Variants in CCSER1 observed in about 807,000 individuals in gnomAD.
CCSER1 encodes serine-rich coiled-coil domain-containing protein 1.
CCSER1 carries 41 observed loss-of-function variants against 82.0 expected under a neutral mutation model. The ratio of observed to expected loss-of-function variants is 0.50; its 90% confidence interval spans 0.39 to 0.65. The LOEUF (loss-of-function observed/expected upper bound fraction) is 0.65, where lower values mean the gene tolerates loss of function less well. CCSER1 is among the 30% of genes least tolerant of loss of function. The probability of loss-of-function intolerance (pLI) is 0.00; values close to 1 mark genes in which losing one functional copy is unlikely to be tolerated. For missense variants in CCSER1, 1,119 were observed against 1,064.2 expected, an observed-to-expected ratio of 1.05 and a Z score of -0.72; for synonymous variants, 414 against 383.9, an observed-to-expected ratio of 1.08 and a Z score of -0.92.
intron 10 of CCSER1, among the ~76,000 whole-genome samples, chr4:91,534,794 G>A (rs1183496166): frequency 1.3e-5 from 2 of 151,574 alleles, no homozygotes; most frequent in Admixed American, 1.3e-4. Context: ...AATTACTTTG[G>A]ACATTTTATA....
At chr4:91,077,360 A>G (rs1361082671) in intron 9 of CCSER1, among the ~76,000 whole-genome samples, 1 of 152,234 alleles carries the variant, frequency 6.6e-6, no homozygotes, top group Non-Finnish European at 1.5e-5. Flanking sequence ...AATGCACCTA[A>G]ATGTAACACT....
At chr4:91,164,568 A>T (rs1361516083) in intron 10 of CCSER1, among the ~76,000 whole-genome samples, 7 of 152,166 alleles carry the variant, frequency 4.6e-5, no homozygotes, top group Non-Finnish European at 1.0e-4. Context: ...GAAGTATACC[A>T]ATCAAATGTA....
intron 6 of CCSER1, among the ~76,000 whole-genome samples, chr4:90,698,485 A>C (rs528047245): frequency 6.6e-6 from 1 of 152,326 alleles, no homozygotes; most frequent in East Asian, 1.9e-4. Flanking sequence ...CCTGGGAATG[A>C]TAGAGTTGGC....
chr4:90,589,807 T>A (rs1012744937), intron 5 of CCSER1, among the ~76,000 whole-genome samples: 3 of 152,214 alleles, frequency 2.0e-5, no homozygotes, highest in African/African-American at 7.2e-5. Flanking sequence ...CTATTTAAAC[T>A]AGAAACTTTC....
chr4:91,384,078 T>C (rs1397743686), intron 10 of CCSER1, among the ~76,000 whole-genome samples: 1 of 152,132 alleles, frequency 6.6e-6, no homozygotes, highest in Non-Finnish European at 1.5e-5. Context: ...TGAATTTTTT[T>C]TGTGAATGTT....
At chr4:90,928,996 C>T (rs1163605455) in intron 9 of CCSER1, among the ~76,000 whole-genome samples, 8 of 152,096 alleles carry the variant, frequency 5.3e-5, no homozygotes, top group Non-Finnish European at 1.2e-4. Flanking sequence ...GAGAAGAAAT[C>T]TGCGTAAAAT....
At chr4:90,700,794 G>T (rs1381912488) in intron 6 of CCSER1, among the ~76,000 whole-genome samples, 2 of 152,166 alleles carry the variant, frequency 1.3e-5, no homozygotes, top group African/African-American at 4.8e-5. Context: ...CTGCTTTTGA[G>T]ACGTGACTGT....
At chr4:91,275,568 A>G (rs1035803340) in intron 10 of CCSER1, among the ~76,000 whole-genome samples, 2 of 151,988 alleles carry the variant, frequency 1.3e-5, no homozygotes, top group African/African-American at 4.8e-5. Flanking sequence ...TATATTCTGC[A>G]TATTAGTTTC....
At chr4:90,846,472 G>T (rs1452080293) in intron 8 of CCSER1, among the ~76,000 whole-genome samples, 1 of 145,580 alleles carries the variant, frequency 6.9e-6, no homozygotes, top group Non-Finnish European at 1.5e-5. Flanking sequence ...ATATGTATAG[G>T]TACATGTGAT....
intron 10 of CCSER1, among the ~76,000 whole-genome samples, chr4:91,523,741 G>A (rs981300480): frequency 2.0e-5 from 3 of 151,940 alleles, no homozygotes; most frequent in African/African-American, 7.3e-5. Context: ...TATTTTTATT[G>A]CGTCCATTTG....
intron 1 of CCSER1, among the ~76,000 whole-genome samples, chr4:90,189,696 A>C (rs962031624): frequency 6.6e-6 from 1 of 151,994 alleles, no homozygotes. Flanking sequence ...ATACAAAAAC[A>C]TATACCTATT....
chr4:90,216,898 G>T (rs958779468), intron 1 of CCSER1, among the ~76,000 whole-genome samples: 1 of 152,130 alleles, frequency 6.6e-6, no homozygotes, highest in African/African-American at 2.4e-5. Context: ...AACAATGATT[G>T]ATTCTTCCGA....
chr4:91,466,849 A>C (rs1002827502), intron 10 of CCSER1, among the ~76,000 whole-genome samples: 1 of 152,206 alleles, frequency 6.6e-6, no homozygotes, highest in Admixed American at 6.5e-5. Flanking sequence ...TCAAGGAAAT[A>C]AAAGAGGACA....
At chr4:91,511,705 G>C (rs1380703416) in intron 10 of CCSER1, among the ~76,000 whole-genome samples, 2 of 152,148 alleles carry the variant, frequency 1.3e-5, no homozygotes, top group Non-Finnish European at 2.9e-5. Flanking sequence ...TGCTCCTTAT[G>C]AGAATCTAAT....
chr4:91,513,784 T>C (rs1759953369), intron 10 of CCSER1, among the ~76,000 whole-genome samples: 1 of 152,158 alleles, frequency 6.6e-6, no homozygotes, highest in Non-Finnish European at 1.5e-5. Context: ...AGATCTTTTG[T>C]ATTTCTGTGG....
chr4:91,307,783 A>G (rs531437574), intron 10 of CCSER1, among the ~76,000 whole-genome samples: 1 of 152,128 alleles, frequency 6.6e-6, no homozygotes, highest in South Asian at 2.1e-4. Context: ...TTGAATTGTA[A>G]TTGTTGCTGA....
intron 4 of CCSER1, among the ~76,000 whole-genome samples, chr4:90,453,794 C>T (rs1403856170): frequency 1.3e-5 from 2 of 152,130 alleles, no homozygotes; most frequent in Admixed American, 6.5e-5. Flanking sequence ...CTGAGACACC[C>T]CTTATGGTAG....
At chr4:90,205,938 G>A (rs1347276081) in intron 1 of CCSER1, among the ~76,000 whole-genome samples, 5 of 152,082 alleles carry the variant, frequency 3.3e-5, no homozygotes, top group African/African-American at 7.2e-5. Flanking sequence ...GGGTGTATGT[G>A]TTCAGGAATT....
chr4:90,305,771 A>G (rs2153476770), intron 1 of CCSER1, among the ~76,000 whole-genome samples: 1 of 152,282 alleles, frequency 6.6e-6, no homozygotes, highest in African/African-American at 2.4e-5. Flanking sequence ...CACAGTATGG[A>G]GGTTCCTCAA....
Sources: gnomAD v4.1 joint callset for allele counts (sites outside exome capture counted in the v4.1 genomes callset) on GRCh38, gnomAD v4.1.1 for gene constraint, MANE v1.5 for transcripts, NCBI Gene and HGNC (gene_info 2026-07-23, HGNC 2026-07-21) for gene names.